Variants in DIAPH1 observed in about 807,000 individuals in gnomAD.
DIAPH1 encodes the protein protein diaphanous homolog 1.
A neutral mutation model predicts 140.7 loss-of-function variants in DIAPH1; 46 were observed. That is an observed-to-expected ratio of 0.33 (90% CI 0.26 to 0.42). The LOEUF (loss-of-function observed/expected upper bound fraction) is 0.42. Among genes scored for constraint, DIAPH1 ranks in the 10% least tolerant of loss-of-function variants. DIAPH1 has a pLI of 1.00. For missense variants in DIAPH1, 1,310 were observed against 1,558.7 expected, an observed-to-expected ratio of 0.84 and a Z score of 2.69; for synonymous variants, 565 against 551.6, an observed-to-expected ratio of 1.02 and a Z score of -0.34.
At chr5:141,566,829 A>G (rs1292521225) in intron 18 of DIAPH1, among the ~76,000 whole-genome samples, 1 of 152,222 alleles carries the variant, frequency 6.6e-6, no homozygotes, top group Non-Finnish European at 1.5e-5. Context: ...CAGGAGGCAG[A>G]GGCTACAGTG....
chr5:141,592,555 G>A (rs954642825), intron 1 of DIAPH1, among the ~76,000 whole-genome samples: 23 of 152,126 alleles, frequency 1.5e-4, no homozygotes, highest in Admixed American at 5.2e-4. Context: ...AAATGCTACT[G>A]GAGCTTTATT....
intron 18 of DIAPH1, among the ~76,000 whole-genome samples, chr5:141,540,646 C>A (rs112792210): frequency 0.011 from 1,615 of 151,422 alleles, 41 homozygotes; most frequent in African/African-American, 0.037. Flanking sequence ...GAACTCCTGA[C>A]CTCAGGGGAT....
At chr5:141,596,296 G>A (rs914990715) in intron 1 of DIAPH1, among the ~76,000 whole-genome samples, 23 of 151,946 alleles carry the variant, frequency 1.5e-4, no homozygotes, top group African/African-American at 5.6e-4. Flanking sequence ...TCGCACCACT[G>A]CACTCCAGCC....
At chr5:141,599,576 G>C (rs1437050770) in intron 1 of DIAPH1, among the ~76,000 whole-genome samples, 3 of 152,032 alleles carry the variant, frequency 2.0e-5, no homozygotes, top group African/African-American at 7.2e-5. Context: ...TCAGCCTCCT[G>C]AGTAGCTGGG....
At chr5:141,575,447 G>A (rs1307587907) in intron 14 of DIAPH1, among the ~76,000 whole-genome samples, 3 of 152,150 alleles carry the variant, frequency 2.0e-5, no homozygotes, top group Admixed American at 1.3e-4. Context: ...TCAGAAGTTC[G>A]AGACCAACCT....
In DIAPH1 at chr5:141,587,053, C is replaced by T. The variant is rs1437417186; in HGVS notation, c.289G>A (p.Glu97Lys). The change falls in exon 3 of 28, where the codon GAA becomes AAA. Residue 97 changes from glutamate to lysine, a missense_variant. Glu to Lys is a moderately conservative substitution (Grantham distance 56). Around this residue, in one of 3 missense-constraint regions of DIAPH1, gnomAD observed 377 missense variants for 497.1 expected, o/e 0.76. Transcript: ENST00000389054. ...VSDEQVLVLF[E>K]QMLLDMNLNE... ...AATGGGAAACTTACCAGCATCTGTT[C>T]AAAGAGAACCAGCACTTGTTCATCT... The T allele has an allele frequency of 1.9e-6, 3 of 1,614,120 alleles. No homozygotes were observed. The highest frequency in any genetic ancestry group is 3.3e-5 in the Admixed American group (2 of 60,022).
At chr5:141,578,140 T>C in intron 11 of DIAPH1, 85 bp downstream of exon 11, 2 of 1,007,744 alleles carry the variant, frequency 2.0e-6, no homozygotes, top group Non-Finnish European at 3.2e-6. Flanking sequence ...TGAGTCATCA[T>C]CTCCCAAACC....
rs1279473036 is a variant in DIAPH1 at position 141,526,023 on chromosome 5, G to A, written c.3574+15C>T. 6.2e-7 allele frequency: 1 copy of A among 1,613,666 alleles called. No homozygotes were observed. Among genetic ancestry groups the A allele is most frequent in the Non-Finnish European group, 8.5e-7 (1 of 1,179,970 alleles). ...CATTCCTATCTCAGCCCATCAACCC[G>A]TCTTCACTCCTCACCTGCATTCATG... On this transcript the variant is annotated intron_variant, in intron 26 of 27. Transcript: ENST00000389054.
At chr5:141,579,530 C>A (rs2099896432) in intron 8 of DIAPH1, among the ~76,000 whole-genome samples, 1 of 152,132 alleles carries the variant, frequency 6.6e-6, no homozygotes, top group Non-Finnish European at 1.5e-5. Context: ...AACATATAGT[C>A]TACTTCTAGA....
intron 1 of DIAPH1, among the ~76,000 whole-genome samples, chr5:141,617,204 G>T (rs541442936): frequency 2.6e-5 from 4 of 151,356 alleles, no homozygotes; most frequent in African/African-American, 9.7e-5. Context: ...TAACGGGGGG[G>T]AGGGGTCAAT....
At chr5:141,571,534 G>T in intron 17 of DIAPH1, 98 bp from the exon 18 acceptor site, 1 of 1,029,554 alleles carries the variant, frequency 9.7e-7, no homozygotes. Context: ...ACTGTAGACA[G>T]TCACTCAGTC....
intron 18 of DIAPH1, among the ~76,000 whole-genome samples, chr5:141,555,790 G>A (rs2099892480): frequency 6.6e-6 from 1 of 152,210 alleles, no homozygotes; most frequent in African/African-American, 2.4e-5. Context: ...TAGCTATGTG[G>A]TTAAAAAGTG....
Position 141,573,577 on chromosome 5 carries a change from G to A in DIAPH1, c.2273C>T (p.Pro758Leu), listed in dbSNP as rs762969077. The A allele has an allele frequency of 4.6e-5, 75 of 1,613,976 alleles. No homozygotes were observed. The highest frequency in any genetic ancestry group is 6.1e-5 in the Non-Finnish European group (72 of 1,180,026). The change falls in exon 16 of 28, where the codon CCT becomes CTT. Residue 758 changes from proline to leucine, a missense_variant. Physicochemically the swap from Pro to Leu is moderately conservative, Grantham distance 98 (BLOSUM62 -3). This residue lies in a region of DIAPH1 where 589 missense variants were observed against 549.3 expected (regional missense o/e 1.07). Transcript: ENST00000389054. ...TCCAAATGGCAGAACTGGGGCTGCA[G>A]GAACTCCAAATCCAAATGGGGGAGG... ...PPPPPFGFGV[P>L]AAPVLPFGLT...
chr5:141,535,356 T>C (rs1369842826), intron 18 of DIAPH1, among the ~76,000 whole-genome samples: 1 of 152,232 alleles, frequency 6.6e-6, no homozygotes, highest in Non-Finnish European at 1.5e-5. Context: ...TTTCAGACTA[T>C]CCAAAGCCAT....
At chr5:141,613,946 A>T (rs546473985) in intron 1 of DIAPH1, among the ~76,000 whole-genome samples, 1 of 152,342 alleles carries the variant, frequency 6.6e-6, no homozygotes, top group South Asian at 2.1e-4. Flanking sequence ...TAAGTAGGAA[A>T]GGAATAAAAA....
intron 15 of DIAPH1, 34 bp from the exon 16 acceptor site, chr5:141,574,242 C>T (rs548540775): frequency 2.5e-6 from 4 of 1,610,296 alleles, no homozygotes; most frequent in East Asian, 2.2e-5. Flanking sequence ...GTACTTCTCA[C>T]CCCACTTCAG....
chr5:141,560,941 G>T lies in DIAPH1; in HGVS notation c.2482+10487C>A, dbSNP rs567728804. The T allele has an allele frequency of 1.5e-5, 7 of 455,880 alleles. No homozygotes were observed. In the East Asian group the frequency reaches 4.9e-4, roughly 32 times the overall value. The allele number at this position is 455,880 out of a possible 1,614,324, so 28.2% of individuals were successfully genotyped here. ...CAGGAAAGGGTGGGGAAAGATGAGG[G>T]GGGGAAGGGGTGGAGATGGGAGGAC... On this transcript the variant is annotated intron_variant, in intron 18 of 27. Transcript: ENST00000389054.
At chr5:141,611,517 C>T (rs1480787512) in intron 1 of DIAPH1, among the ~76,000 whole-genome samples, 1 of 152,074 alleles carries the variant, frequency 6.6e-6, no homozygotes. Context: ...GACTGCACTA[C>T]TGCATTCCAA....
At chr5:141,617,726 T>TA (rs770147880) in intron 1 of DIAPH1, among the ~76,000 whole-genome samples, 2 of 152,216 alleles carry the variant, frequency 1.3e-5, no homozygotes, top group African/African-American at 4.8e-5. Context: ...CCCCGTATCT[T>TA]ACAAAGCTTT....
Sources: gnomAD v4.1 joint callset for allele counts (sites outside exome capture counted in the v4.1 genomes callset) on GRCh38, gnomAD v4.1.1 for gene constraint, gnomAD v4.1.1 regional missense constraint, MANE v1.5 for transcripts, NCBI Gene and HGNC (gene_info 2026-07-23, HGNC 2026-07-21) for gene names.